Variants in ACACA observed in about 807,000 individuals in gnomAD.
ACACA encodes the protein acetyl-CoA carboxylase 1.
In ACACA, 103 loss-of-function variants were observed where a neutral mutation model predicts 296.1. The observed-to-expected ratio is 0.35, with a 90% CI of 0.30 to 0.41. The LOEUF is 0.41. Ranked by LOEUF, ACACA falls within the 10% of genes least tolerant of loss-of-function variation. The pLI, the probability that ACACA is intolerant of heterozygous loss-of-function variation, is 1.00. For synonymous variants in ACACA, 953 were observed against 1,038.6 expected (o/e 0.92, Z 1.58); for missense variants, 1,554 against 2,989.7 (o/e 0.52, Z 11.20).
chr17:37,276,893 G>C, intron 7 of ACACA, 140 bp downstream of exon 7: 1 of 762,880 alleles, frequency 1.3e-6, no homozygotes, highest in South Asian at 1.5e-5. Flanking sequence ...GTTACTCTGA[G>C]AGTTAGTAAT....
intron 3 of ACACA, among the ~76,000 whole-genome samples, chr17:37,308,577 C>G (rs1221339847): frequency 6.6e-6 from 1 of 152,086 alleles, no homozygotes; most frequent in South Asian, 2.1e-4. Context: ...CCATTCCACC[C>G]AGAAAGACAT....
At chr17:37,257,250 T>A (rs959485942) in intron 14 of ACACA, among the ~76,000 whole-genome samples, 2 of 152,154 alleles carry the variant, frequency 1.3e-5, no homozygotes, top group African/African-American at 4.8e-5. Context: ...TAAGAGTACA[T>A]CATGGTGACT....
intron 52 of ACACA, among the ~76,000 whole-genome samples, chr17:37,099,465 A>AT (rs778685315): frequency 2.0e-5 from 3 of 151,238 alleles, no homozygotes; most frequent in Admixed American, 6.6e-5. Flanking sequence ...GGGAGGGCTG[A>AT]GGGATGGAGG....
chr17:37,122,854 C>A, intron 48 of ACACA: 2 of 615,014 alleles, frequency 3.3e-6, no homozygotes, highest in Non-Finnish European at 5.8e-6. Context: ...TCGGAAATGT[C>A]CCAACACAAG....
At chr17:37,397,895 A>G (rs2051132539) in intron 1 of ACACA, among the ~76,000 whole-genome samples, 1 of 152,038 alleles carries the variant, frequency 6.6e-6, no homozygotes, top group African/African-American at 2.4e-5. Flanking sequence ...TGAAATTGCT[A>G]ACTGCATCCT....
chr17:37,232,319 G>A (rs2079899381), intron 25 of ACACA, among the ~76,000 whole-genome samples: 1 of 152,160 alleles, frequency 6.6e-6, no homozygotes, highest in Non-Finnish European at 1.5e-5. Flanking sequence ...CCATCAATCA[G>A]GAAGCCAAGA....
chr17:37,337,881 A>AG (rs1371598735), intron 2 of ACACA, among the ~76,000 whole-genome samples: 6 of 151,966 alleles, frequency 3.9e-5, no homozygotes, highest in African/African-American at 1.4e-4. Flanking sequence ...GTGGATCACA[A>AG]GGTCAGGAGA....
intron 50 of ACACA, among the ~76,000 whole-genome samples, chr17:37,119,589 A>AACAC (rs71368443): frequency 0.051 from 6,545 of 128,278 alleles, 209 homozygotes; most frequent in Non-Finnish European, 0.063. Flanking sequence ...TTTTCAACCA[A>AACAC]ACACACACAC....
rs549899666 is a variant in ACACA at position 37,145,082 on chromosome 17, C to A, written c.5679+4782G>T. On this transcript the variant is annotated intron_variant, in intron 45 of 55. Transcript: ENST00000616317. ...CCTTTACAATACTAGCTCTTCCCAG[C>A]CTATCTGCCACCTAACACTATGTTA... 5.9e-5 allele frequency among the ~76,000 whole-genome samples: 9 copies of A among 152,276 alleles called. No individual in the cohort carries two copies. In the South Asian group the frequency reaches 1.9e-3, roughly 32 times the overall value.
At chr17:37,362,847 C>T (rs2049454242) in intron 1 of ACACA, among the ~76,000 whole-genome samples, 1 of 151,874 alleles carries the variant, frequency 6.6e-6, no homozygotes, top group Admixed American at 6.6e-5. Context: ...TGGTGGCGGG[C>T]GCCTGTAGTC....
chr17:37,105,864 CA>C (rs61529137), intron 52 of ACACA, among the ~76,000 whole-genome samples: 2,849 of 115,458 alleles, frequency 0.025, 84 homozygotes, highest in African/African-American at 0.063. Context: ...AACTCTGTCT[CA>C]AAAAAAAAAA....
At chr17:37,202,805 TAG>T (rs1009014174) in intron 33 of ACACA, among the ~76,000 whole-genome samples, 18 of 149,638 alleles carry the variant, frequency 1.2e-4, no homozygotes, top group Non-Finnish European at 2.2e-4. Flanking sequence ...TCTCTATGCT[TAG>T]AGTGTCAGCA....
At chr17:37,243,832 C>T (rs1297617207) in intron 21 of ACACA, among the ~76,000 whole-genome samples, 2 of 152,124 alleles carry the variant, frequency 1.3e-5, no homozygotes, top group African/African-American at 4.8e-5. Context: ...GTTCAAGAGT[C>T]AACTATATCT....
chr17:37,372,273 C>T (rs1267311153), intron 1 of ACACA, among the ~76,000 whole-genome samples: 1 of 151,882 alleles, frequency 6.6e-6, no homozygotes, highest in Non-Finnish European at 1.5e-5. Flanking sequence ...ATTAGCCAAG[C>T]GTGGTGGCGG....
At position 37,155,906 on chromosome 17, in the gene ACACA, T is replaced by G. The variant is rs1019070167; in HGVS notation, c.5350-126A>C. On this transcript the variant is annotated intron_variant, in intron 42 of 55. Coordinates refer to ENST00000616317, the MANE Select transcript of ACACA (RefSeq NM_198834.3). ...TAAATTGCCACATCACTTCTTAGGTTTACTGTCTAACAGAATACTAGCACA... is the reference window on the plus strand; with the variant it reads ...TAAATTGCCACATCACTTCTTAGGTGTACTGTCTAACAGAATACTAGCACA... The G allele has an allele frequency of 1.1e-5, 8 of 712,486 alleles. No individual in the cohort carries two copies. In the African/African-American group the frequency reaches 1.4e-4, roughly 12 times the overall value. The allele number at this position is 712,486 out of a possible 1,614,324, so 44.1% of individuals were successfully genotyped here. A position where few individuals can be genotyped will look rare whatever the true frequency, so the allele number is the denominator to read the frequency against.
At chr17:37,134,529 C>T (rs981877592) in intron 45 of ACACA, among the ~76,000 whole-genome samples, 33 of 152,240 alleles carry the variant, frequency 2.2e-4, no homozygotes, top group South Asian at 2.1e-4. Context: ...GTTGGGGACC[C>T]TTAGACTTAT....
intron 3 of ACACA, among the ~76,000 whole-genome samples, chr17:37,329,862 A>G (rs1281544136): frequency 5.3e-5 from 8 of 151,806 alleles, no homozygotes; most frequent in African/African-American, 1.5e-4. Flanking sequence ...AATTGCTTGA[A>G]CCCAGGAGGC....
At chr17:37,148,545 C>T (rs1277149255) in intron 45 of ACACA, among the ~76,000 whole-genome samples, 7 of 152,198 alleles carry the variant, frequency 4.6e-5, no homozygotes, top group Non-Finnish European at 1.0e-4. Context: ...AATGACAGAA[C>T]ACTTAATTCT....
chr17:37,339,509 A>G (rs2048288375), intron 2 of ACACA, among the ~76,000 whole-genome samples: 2 of 152,234 alleles, frequency 1.3e-5, no homozygotes, highest in Admixed American at 1.3e-4. Flanking sequence ...GCACGAGCCT[A>G]CAAACCAACA....
Sources: allele counts gnomAD v4.1 joint callset (sites outside exome capture counted in the v4.1 genomes callset), GRCh38; gene constraint gnomAD v4.1.1; transcripts MANE v1.5; gene names NCBI Gene and HGNC (gene_info 2026-07-23, HGNC 2026-07-21).